The following NAV3 variants were observed in gnomAD, a reference collection of about 807,000 sequenced individuals.
NAV3 encodes neuron navigator 3, also known as pore membrane and/or filament interacting like protein 1.
NAV3 carries 87 observed loss-of-function variants against 244.7 expected under a neutral mutation model. That is an observed-to-expected ratio of 0.36 (90% confidence interval 0.30 to 0.42). The LOEUF is 0.42. Among genes scored for constraint, NAV3 ranks in the 20% least tolerant of loss-of-function variants. The pLI, the probability that NAV3 is intolerant of heterozygous loss-of-function variation, is 1.00. For missense variants in NAV3, 2,663 were observed against 2,893.3 expected (o/e 0.92, Z 1.83); for synonymous variants, 1,126 against 1,042.2 (o/e 1.08, Z -1.55).
chr12:77,612,674 A>G (rs1870967421), intron 2 of NAV3, among the ~76,000 whole-genome samples: 1 of 152,154 alleles, frequency 6.6e-6, no homozygotes, highest in Admixed American at 6.6e-5. Flanking sequence ...TTTATTTTAT[A>G]GAATTACAAT....
In NAV3 at chr12:77,968,682, C is replaced by A. The variant is rs949922840; in HGVS notation, c.651C>A (p.Thr217=). ...CATCGGAAGCCAGCCAGGCCAAAAC[C>A]CAGCAAGATATGCAGTCCAGGTAAG... ...SPPSEASQAK[T]QQDMQSSLAA... Residue 217 remains threonine, a synonymous_variant, in exon 5 of 40, where the codon ACC becomes ACA. Coordinates refer to ENST00000397909, the MANE Select transcript of NAV3 (RefSeq NM_001024383.2). 6.2e-7 allele frequency: 1 copy of A among 1,613,922 alleles called. No homozygotes were observed. Among genetic ancestry groups the A allele is most frequent in the African/African-American group, 1.3e-5 (1 of 74,982 alleles).
chr12:78,105,780 G>A (rs1954771726), intron 12 of NAV3, among the ~76,000 whole-genome samples: 1 of 151,428 alleles, frequency 6.6e-6, no homozygotes, highest in Non-Finnish European at 1.5e-5. Flanking sequence ...TTTGTGATTT[G>A]AAAATTCTTG....
chr12:78,183,188 A>G (rs917995940), intron 30 of NAV3, among the ~76,000 whole-genome samples: 7 of 151,932 alleles, frequency 4.6e-5, no homozygotes, highest in Non-Finnish European at 8.8e-5. Flanking sequence ...ACAAACAAAC[A>G]AAAATACAGA....
chr12:77,724,760 A>G (rs909453564), intron 2 of NAV3, among the ~76,000 whole-genome samples: 4 of 152,004 alleles, frequency 2.6e-5, no homozygotes, highest in African/African-American at 4.8e-5. Flanking sequence ...GTCTTTAGAA[A>G]TAGCATTATA....
chr12:78,144,315 T>G (rs1387602759), intron 20 of NAV3, among the ~76,000 whole-genome samples: 1 of 152,070 alleles, frequency 6.6e-6, no homozygotes, highest in Non-Finnish European at 1.5e-5. Flanking sequence ...ATAGAATAAA[T>G]AAAAACATTT....
At chr12:77,949,272 G>C (rs373138907) in intron 3 of NAV3, among the ~76,000 whole-genome samples, 12 of 151,960 alleles carry the variant, frequency 7.9e-5, no homozygotes, top group Non-Finnish European at 1.5e-5. Flanking sequence ...TGCTGTGCTA[G>C]GTGTTTTGCT....
chr12:77,995,532 T>C (rs989001719), intron 6 of NAV3, among the ~76,000 whole-genome samples: 16 of 152,182 alleles, frequency 1.1e-4, no homozygotes, highest in African/African-American at 3.9e-4. Context: ...AAAAGAGTTT[T>C]ATACCTCTGA....
intron 1 of NAV3, among the ~76,000 whole-genome samples, chr12:77,901,194 G>A (rs1356489310): frequency 2.0e-5 from 3 of 152,136 alleles, no homozygotes; most frequent in Non-Finnish European, 4.4e-5. Flanking sequence ...TCTATTGATA[G>A]TTTCTTCTGC....
At chr12:78,069,580 T>C (rs894919642) in intron 12 of NAV3, among the ~76,000 whole-genome samples, 3 of 152,034 alleles carry the variant, frequency 2.0e-5, no homozygotes, top group African/African-American at 7.2e-5. Flanking sequence ...TTTTTAATGA[T>C]TGCATGTCCT....
intron 3 of NAV3, among the ~76,000 whole-genome samples, chr12:77,946,743 G>A (rs572626699): frequency 6.6e-6 from 1 of 152,234 alleles, no homozygotes; most frequent in African/African-American, 2.4e-5. Flanking sequence ...ATTAAAAATA[G>A]CAAAAATATG....
chr12:77,606,594 C>G (rs1222793087), intron 2 of NAV3, among the ~76,000 whole-genome samples: 1 of 152,058 alleles, frequency 6.6e-6, no homozygotes, highest in Non-Finnish European at 1.5e-5. Flanking sequence ...TAAATATTTA[C>G]TGAGTTCATC....
At chr12:77,801,721 T>A (rs1871718070) in intron 2 of NAV3, among the ~76,000 whole-genome samples, 1 of 152,186 alleles carries the variant, frequency 6.6e-6, no homozygotes, top group Non-Finnish European at 1.5e-5. Flanking sequence ...TGAATTTTTT[T>A]ATGTAACTCG....
Position 77,747,703 on chromosome 12 carries a change from A to G in NAV3, c.72+175437A>G, listed in dbSNP as rs539053014. On this transcript the variant is annotated intron_variant, in intron 2 of 8. Coordinates refer to the NAV3 transcript ENST00000550042. ...ATACACCATGGAATACTAAGCAGCC[A>G]TAAAAAATGATGAGTTCATGTCCTT... is the stretch of plus-strand genomic sequence containing the variant. Among the ~76,000 whole-genome samples the G allele has an allele frequency of 3.5e-4, 54 of 152,368 alleles. No individual in the cohort carries two copies. The East Asian group carries it at 0.01, about 28-fold the overall frequency.
intron 12 of NAV3, among the ~76,000 whole-genome samples, chr12:78,103,489 C>T (rs1308720892): frequency 1.3e-5 from 2 of 152,336 alleles, no homozygotes; most frequent in African/African-American, 4.8e-5. Flanking sequence ...CTGCCTGATA[C>T]ACAGTCCCAA....
At chr12:78,115,302 C>T (rs1352965655) in intron 12 of NAV3, among the ~76,000 whole-genome samples, 3 of 152,134 alleles carry the variant, frequency 2.0e-5, no homozygotes, top group African/African-American at 7.2e-5. Flanking sequence ...GGTATCTTTA[C>T]AGCAGTGCCC....
intron 11 of NAV3, among the ~76,000 whole-genome samples, chr12:78,057,349 T>G (rs1316674556): frequency 6.6e-6 from 1 of 151,988 alleles, no homozygotes; most frequent in Non-Finnish European, 1.5e-5. Flanking sequence ...AAGTGAGGGG[T>G]AGATATACTT....
rs181097133 is a variant in NAV3 at position 77,705,977 on chromosome 12, T to C, written c.72+133711T>C. 2.1e-3 allele frequency among the ~76,000 whole-genome samples: 311 copies of C among 151,606 alleles called. 4 individuals are homozygous for C. Among genetic ancestry groups the C allele is most frequent in the Non-Finnish European group, 3.0e-3 (205 of 67,966 alleles). On this transcript the variant is annotated intron_variant, in intron 2 of 8. Coordinates refer to the NAV3 transcript ENST00000550042. ...AAACATTTGATGTGTTCATCCATTG[T>C]AGTTGTGTTTTTCCCTTCACAGCTA...
chr12:77,882,102 A>C (rs1413657096), intron 1 of NAV3, among the ~76,000 whole-genome samples: 2 of 152,158 alleles, frequency 1.3e-5, no homozygotes, highest in Non-Finnish European at 2.9e-5. Context: ...GGAACAAAAA[A>C]GTGTCCGGAC....
intron 2 of NAV3, among the ~76,000 whole-genome samples, chr12:77,613,208 G>A (rs757995139): frequency 3.9e-5 from 6 of 152,200 alleles, no homozygotes; most frequent in African/African-American, 9.6e-5. Context: ...GGCAGAGTTT[G>A]CTCAGAATAG....
Sources: allele counts gnomAD v4.1 joint callset (sites outside exome capture counted in the v4.1 genomes callset), GRCh38; gene constraint gnomAD v4.1.1; transcripts MANE v1.5; gene names NCBI Gene and HGNC (gene_info 2026-07-23, HGNC 2026-07-21).